TTK: variants seen among roughly 807,000 people sequenced by gnomAD.
The protein encoded by TTK is TTK protein kinase.
Under a neutral mutation model 117.3 loss-of-function variants are expected in TTK, and 59 were observed. That is an observed-to-expected ratio of 0.50 (90% CI 0.41 to 0.62). The LOEUF (loss-of-function observed/expected upper bound fraction) is 0.62, where lower values mean the gene tolerates loss of function less well. Among genes scored for constraint, TTK ranks in the 20% least tolerant of loss-of-function variants. TTK has a pLI of 0.00. For missense variants in TTK, 921 were observed against 989.4 expected, an observed-to-expected ratio of 0.93 and a Z score of 0.93; for synonymous variants, 302 against 325.0, an observed-to-expected ratio of 0.93 and a Z score of 0.76.
rs767981193 is a variant in TTK at position 80,014,509 on chromosome 6, A to G, written c.1031A>G (p.Lys344Arg). The G allele has an allele frequency of 6.2e-7, 1 of 1,609,932 alleles. No homozygotes were observed. The highest frequency in any genetic ancestry group is 1.7e-4 in the Middle Eastern group (1 of 6,038). Residue 344 changes from lysine (K) to arginine (R), a missense_variant, in exon 10 of 22, where the codon AAG becomes AGG. Coordinates refer to ENST00000369798, the MANE Select transcript of TTK (RefSeq NM_003318.5). Reference sequence around the variant, plus strand: ...AAGGAACCTCTGGTGTCAGATGAAAAGAGTTCTGAACTTATTATTACTGAT... The same window carrying G: ...AAGGAACCTCTGGTGTCAGATGAAAGGAGTTCTGAACTTATTATTACTGAT... ...HFKEPLVSDE[K>R]SSELIITDSI...
chr6:80,016,048 C>G (rs564568119), intron 10 of TTK, among the ~76,000 whole-genome samples: 2 of 152,218 alleles, frequency 1.3e-5, no homozygotes, highest in East Asian at 3.9e-4. Flanking sequence ...TGGAACTCAT[C>G]CATGTTTTTA....
intron 10 of TTK, among the ~76,000 whole-genome samples, chr6:80,016,676 C>A (rs112229451): frequency 6.6e-6 from 1 of 151,866 alleles, no homozygotes; most frequent in South Asian, 2.1e-4. Context: ...TTTTCTTTCC[C>A]TTTTTAGTTT....
At chr6:80,007,634 C>A (rs188093608) in intron 2 of TTK, among the ~76,000 whole-genome samples, 175 bp from the exon 3 acceptor site, 2 of 151,946 alleles carry the variant, frequency 1.3e-5, no homozygotes, top group Admixed American at 6.6e-5. Context: ...GATAAATACA[C>A]GATAAATAAG....
intron 4 of TTK, among the ~76,000 whole-genome samples, chr6:80,009,106 A>G (rs1017050299): frequency 6.6e-6 from 1 of 152,030 alleles, no homozygotes; most frequent in African/African-American, 2.4e-5. Context: ...TAACCTGGCC[A>G]TTCCTTAGTC....
At chr6:80,025,751 G>A (rs1338660071) in intron 11 of TTK, among the ~76,000 whole-genome samples, 1 of 152,186 alleles carries the variant, frequency 6.6e-6, no homozygotes, top group African/African-American at 2.4e-5. Context: ...TAGGCAGGCA[G>A]CAGGCCACAT....
intron 12 of TTK, 48 bp from the exon 13 acceptor site, chr6:80,027,833 CTTAT>C (rs1767645127): frequency 7.4e-7 from 1 of 1,357,494 alleles, no homozygotes; most frequent in Non-Finnish European, 9.9e-7. Context: ...CTGAATCAGA[CTTAT>C]TTGTTAAATT....
chr6:80,024,188 A>T (rs1767543331), intron 11 of TTK, among the ~76,000 whole-genome samples: 1 of 152,226 alleles, frequency 6.6e-6, no homozygotes, highest in Non-Finnish European at 1.5e-5. Flanking sequence ...GTCATTTTGG[A>T]TAAGAGTCTG....
chr6:80,036,085 C>T (rs1767899711), intron 16 of TTK, among the ~76,000 whole-genome samples: 1 of 152,010 alleles, frequency 6.6e-6, no homozygotes, highest in Non-Finnish European at 1.5e-5. Flanking sequence ...GTGATGCTCT[C>T]TAGTGGGCAG....
chr6:80,007,227 C>A (rs1207170141), intron 2 of TTK, among the ~76,000 whole-genome samples: 1 of 151,976 alleles, frequency 6.6e-6, no homozygotes, highest in South Asian at 2.1e-4. Flanking sequence ...GGGCCTCTAG[C>A]AGAAATTTAG....
At chr6:80,031,347 G>T in intron 13 of TTK, 120 bp from the exon 14 acceptor site, 2 of 484,384 alleles carry the variant, frequency 4.1e-6, no homozygotes, top group Non-Finnish European at 6.7e-6. Context: ...TAAAAATATT[G>T]TAACATTTCT....
chr6:80,009,793 C>T (rs1196043655), intron 4 of TTK, among the ~76,000 whole-genome samples: 1 of 151,934 alleles, frequency 6.6e-6, no homozygotes, highest in Non-Finnish European at 1.5e-5. Context: ...TGCAGCATCC[C>T]TGAAGTCCTA....
chr6:80,027,795 A>G, intron 12 of TTK, 90 bp from the exon 13 acceptor site: 1 of 1,001,326 alleles, frequency 1.0e-6, no homozygotes, highest in South Asian at 2.4e-5. Context: ...AACACTTTTA[A>G]GTTTATATCA....
chr6:80,031,162 ATTTTATT>A (rs1048835059), intron 13 of TTK, among the ~76,000 whole-genome samples: 232 of 151,488 alleles, frequency 1.5e-3, no homozygotes, highest in African/African-American at 5.3e-3. Flanking sequence ...ATAATTTTAT[ATTTTATT>A]TTTATATATA....
intron 13 of TTK, among the ~76,000 whole-genome samples, chr6:80,028,396 C>T (rs1218423573): frequency 2.0e-5 from 3 of 151,998 alleles, no homozygotes; most frequent in African/African-American, 7.3e-5. Flanking sequence ...CGGGTGACTA[C>T]AACCTCTGCT....
intron 14 of TTK, 94 bp downstream of exon 14, chr6:80,031,653 T>C (rs1767763443): frequency 1.1e-6 from 1 of 922,334 alleles, no homozygotes; most frequent in Non-Finnish European, 1.5e-6. Flanking sequence ...TTTCCTTTAC[T>C]TCTAGGGGCG....
chr6:80,028,421 G>T (rs927508655), intron 13 of TTK, among the ~76,000 whole-genome samples: 1 of 151,778 alleles, frequency 6.6e-6, no homozygotes, highest in Non-Finnish European at 1.5e-5. Flanking sequence ...AGGTTCAAGC[G>T]ATTCTCGTGC....
At chr6:80,022,764 C>A (rs1255737451) in intron 11 of TTK, among the ~76,000 whole-genome samples, 1 of 152,072 alleles carries the variant, frequency 6.6e-6, no homozygotes, top group South Asian at 2.1e-4. Flanking sequence ...CTTACTGGAA[C>A]ACTGACACAC....
intron 1 of TTK, 174 bp from the exon 2 acceptor site, chr6:80,005,668 G>C (rs969148429): frequency 6.6e-6 from 4 of 610,338 alleles, no homozygotes; most frequent in Non-Finnish European, 1.1e-5. Flanking sequence ...AAATTACAAA[G>C]ATGTGTACCT....
At chr6:80,022,047 T>A (rs574075917) in intron 10 of TTK, among the ~76,000 whole-genome samples, 1 of 152,328 alleles carries the variant, frequency 6.6e-6, no homozygotes, top group Admixed American at 6.5e-5. Flanking sequence ...TTTTTAAATT[T>A]TTACTTATTT....
Sources: gnomAD v4.1 joint callset for allele counts (sites outside exome capture counted in the v4.1 genomes callset) on GRCh38, gnomAD v4.1.1 for gene constraint, MANE v1.5 for transcripts, NCBI Gene and HGNC (gene_info 2026-07-23, HGNC 2026-07-21) for gene names.